The following CCDC141 variants were observed in gnomAD, a reference collection of about 807,000 sequenced individuals.
CCDC141 encodes coiled-coil domain containing 141.
Under a neutral mutation model 181.0 loss-of-function variants are expected in CCDC141, and 168 were observed. The observed-to-expected ratio is 0.93, with a 90% CI of 0.82 to 1.05. The LOEUF (loss-of-function observed/expected upper bound fraction) is 1.05. CCDC141 is among the 50% of genes least tolerant of loss of function. CCDC141 has a pLI of 0.00. For synonymous variants in CCDC141, 666 were observed against 642.3 expected, an observed-to-expected ratio of 1.04 and a Z score of -0.56; for missense variants, 1,902 against 1,788.5, an observed-to-expected ratio of 1.06 and a Z score of -1.14.
chr2:178,964,997 A>G (rs903660601), intron 4 of CCDC141, among the ~76,000 whole-genome samples: 1 of 152,206 alleles, frequency 6.6e-6, no homozygotes, highest in Non-Finnish European at 1.5e-5. Context: ...TAATACCTCT[A>G]TAGTTTGCCA....
In CCDC141 at chr2:178,877,550, C is replaced by A. The variant is rs529694763; in HGVS notation, c.1899+414G>T. Reference sequence around the variant, plus strand: ...GGGTATTTTTCTAAATGCAATGGATCTTCACTACAAAGAGATCTGCTATGG... The same window carrying A: ...GGGTATTTTTCTAAATGCAATGGATATTCACTACAAAGAGATCTGCTATGG... On this transcript the variant is annotated intron_variant, in intron 12 of 23. Coordinates refer to ENST00000443758, the MANE Select transcript of CCDC141 (RefSeq NM_173648.4). The A allele has an allele frequency of 1.7e-4, 33 of 196,934 alleles. No individual in the cohort carries two copies. In the South Asian group the frequency reaches 3.6e-3, roughly 22 times the overall value. The allele number at this position is 196,934 out of a possible 1,614,324, so 12.2% of individuals were successfully genotyped here.
chr2:178,997,722 G>A (rs1329209224), intron 2 of CCDC141, among the ~76,000 whole-genome samples: 1 of 152,084 alleles, frequency 6.6e-6, no homozygotes, highest in African/African-American at 2.4e-5. Context: ...TCCAATGGTG[G>A]GAAAACCATT....
rs1198003973 is a variant in CCDC141, at chr2:178,936,720, T to A, written c.897+7815A>T. On this transcript the variant is annotated intron_variant, in intron 6 of 23. Transcript: ENST00000443758. ...ATTTTAATGATATTCATTCTTCCTA[T>A]CCATGAGTATGGAATGTGTTTCCAT... Among the ~76,000 whole-genome samples the A allele has an allele frequency of 2.6e-5, 4 of 152,162 alleles. No individual in the cohort carries two copies. In the East Asian group the frequency reaches 7.7e-4, roughly 29 times the overall value.
intron 6 of CCDC141, among the ~76,000 whole-genome samples, chr2:178,932,205 C>G (rs75702978): frequency 0.016 from 2,401 of 152,126 alleles, 62 homozygotes; most frequent in African/African-American, 0.055. Flanking sequence ...GCACACAAAA[C>G]TGTTATATAC....
intron 17 of CCDC141, among the ~76,000 whole-genome samples, chr2:178,859,562 G>A (rs1685516118): frequency 6.6e-6 from 1 of 152,014 alleles, no homozygotes; most frequent in South Asian, 2.1e-4. Context: ...TCTTGAAATG[G>A]TGTTATAATT....
chr2:178,980,865 C>T (rs1261194598), intron 2 of CCDC141, among the ~76,000 whole-genome samples: 3 of 151,872 alleles, frequency 2.0e-5, no homozygotes, highest in African/African-American at 7.3e-5. Flanking sequence ...GTCAATTATA[C>T]CTCAATAAAG....
chr2:179,015,411 T>C (rs1323022958), intron 2 of CCDC141, among the ~76,000 whole-genome samples: 2 of 137,264 alleles, frequency 1.5e-5, no homozygotes, highest in African/African-American at 2.7e-5. Flanking sequence ...CTCATATATG[T>C]ACCATATATC....
At chr2:179,036,554 A>G (rs2043150063) in intron 2 of CCDC141, among the ~76,000 whole-genome samples, 1 of 152,234 alleles carries the variant, frequency 6.6e-6, no homozygotes, top group Non-Finnish European at 1.5e-5. Context: ...AACACTGTAT[A>G]AACAAGGAAG....
chr2:178,977,773 C>T (rs1048835836), intron 3 of CCDC141, among the ~76,000 whole-genome samples: 1 of 152,174 alleles, frequency 6.6e-6, no homozygotes, highest in Non-Finnish European at 1.5e-5. Context: ...TGCCACCTGA[C>T]ACAGAAGTTA....
intron 2 of CCDC141, among the ~76,000 whole-genome samples, chr2:179,040,343 T>C (rs1228350649): frequency 1.3e-5 from 2 of 152,230 alleles, no homozygotes; most frequent in South Asian, 4.1e-4. Context: ...CTAAAGAGCA[T>C]AGAAAAGGAA....
chr2:178,957,390 T>C (rs762179751), intron 5 of CCDC141, among the ~76,000 whole-genome samples: 1 of 152,196 alleles, frequency 6.6e-6, no homozygotes, highest in Non-Finnish European at 1.5e-5. Flanking sequence ...CCTATTAAAG[T>C]GGCCAAAATC....
chr2:178,851,682 A>G (rs1317796108), intron 20 of CCDC141, among the ~76,000 whole-genome samples: 1 of 152,204 alleles, frequency 6.6e-6, no homozygotes, highest in Admixed American at 6.5e-5. Flanking sequence ...CCACCCAGTC[A>G]GTGGTATTTT....
chr2:178,932,569 T>A (rs149509864), intron 6 of CCDC141, among the ~76,000 whole-genome samples: 1 of 152,136 alleles, frequency 6.6e-6, no homozygotes. Context: ...TGGAAAAAAA[T>A]CATTGAAAAA....
chr2:178,963,993 A>G (rs527653362), intron 4 of CCDC141, among the ~76,000 whole-genome samples: 6 of 152,208 alleles, frequency 3.9e-5, no homozygotes, highest in Non-Finnish European at 8.8e-5. Context: ...AAGAAATGGA[A>G]GCAAACATGA....
chr2:178,985,989 C>T (rs1018371883), intron 2 of CCDC141, among the ~76,000 whole-genome samples: 2 of 152,148 alleles, frequency 1.3e-5, no homozygotes, highest in African/African-American at 4.8e-5. Context: ...CATTCGGATA[C>T]CAAAGCCGGG....
intron 7 of CCDC141, among the ~76,000 whole-genome samples, chr2:178,906,824 A>G (rs1320711848): frequency 6.6e-6 from 1 of 152,210 alleles, no homozygotes; most frequent in Non-Finnish European, 1.5e-5. Flanking sequence ...CTGGGGCAAC[A>G]CAGGCGAAGC....
intron 22 of CCDC141, among the ~76,000 whole-genome samples, chr2:178,840,521 G>A (rs1684676581): frequency 6.6e-6 from 1 of 152,216 alleles, no homozygotes; most frequent in Non-Finnish European, 1.5e-5. Flanking sequence ...AGAAGGTACT[G>A]AGCATGCTCA....
chr2:178,902,237 C>A (rs555345856), intron 8 of CCDC141, among the ~76,000 whole-genome samples: 1 of 152,208 alleles, frequency 6.6e-6, no homozygotes, highest in East Asian at 1.9e-4. Flanking sequence ...ACTTTCTTCA[C>A]AGAATTGGAA....
At chr2:179,039,673 A>C (rs903758085) in intron 2 of CCDC141, among the ~76,000 whole-genome samples, 1 of 152,140 alleles carries the variant, frequency 6.6e-6, no homozygotes, top group African/African-American at 2.4e-5. Flanking sequence ...GACCCTGTAC[A>C]TACAAAAAGG....
Sources: allele counts gnomAD v4.1 joint callset (sites outside exome capture counted in the v4.1 genomes callset), GRCh38; gene constraint gnomAD v4.1.1; transcripts MANE v1.5; gene names NCBI Gene and HGNC (gene_info 2026-07-23, HGNC 2026-07-21).